The following PRKCI variants were observed in gnomAD, a reference collection of about 807,000 sequenced individuals.
PRKCI encodes the protein protein kinase C iota type.
A neutral mutation model predicts 84.0 loss-of-function variants in PRKCI; 43 were observed. The observed-to-expected ratio is 0.51, with a 90% CI of 0.40 to 0.66. The LOEUF (loss-of-function observed/expected upper bound fraction) is 0.66. Ranked by LOEUF, PRKCI falls within the 30% of genes least tolerant of loss-of-function variation. The pLI, the probability that PRKCI is intolerant of heterozygous loss-of-function variation, is 0.00. For synonymous variants in PRKCI, 216 were observed against 234.4 expected, an observed-to-expected ratio of 0.92 and a Z score of 0.72; for missense variants, 459 against 745.6, an observed-to-expected ratio of 0.62 and a Z score of 4.48.
chr3:170,265,528 T>C (rs762889227), intron 4 of PRKCI, among the ~76,000 whole-genome samples: 10 of 152,230 alleles, frequency 6.6e-5, no homozygotes, highest in Non-Finnish European at 1.3e-4. Flanking sequence ...CTCATTTTCA[T>C]TTGTGGTTTC....
chr3:170,298,558 A>T (rs1013321297), intron 16 of PRKCI, among the ~76,000 whole-genome samples: 8 of 151,920 alleles, frequency 5.3e-5, no homozygotes, highest in African/African-American at 1.5e-4. Flanking sequence ...GGTGTGTGCC[A>T]CCACACCTGG....
chr3:170,293,579 G>T, intron 14 of PRKCI, 71 bp downstream of exon 14: 3 of 1,481,490 alleles, frequency 2.0e-6, no homozygotes, highest in Non-Finnish European at 1.8e-6. Flanking sequence ...AGTGATTCAG[G>T]TTACTACTTT....
intron 3 of PRKCI, among the ~76,000 whole-genome samples, chr3:170,262,832 C>CTTTT (rs748452040): frequency 4.5e-5 from 6 of 133,022 alleles, no homozygotes; most frequent in East Asian, 2.2e-4. Flanking sequence ...TTCTTTCTTT[C>CTTTT]TTTTTTTTTT....
intron 2 of PRKCI, 32 bp downstream of exon 2, chr3:170,235,383 G>A (rs752394117): frequency 1.9e-6 from 3 of 1,607,978 alleles, no homozygotes; most frequent in African/African-American, 1.3e-5. Flanking sequence ...GCCTGTGTAA[G>A]CATTTTAAGA....
chr3:170,281,111 T>C, intron 9 of PRKCI, 55 bp from the exon 10 acceptor site: 1 of 1,444,086 alleles, frequency 6.9e-7, no homozygotes, highest in Non-Finnish European at 9.7e-7. Flanking sequence ...CAGAGCAAAT[T>C]TATCATTAAT....
intron 1 of PRKCI, among the ~76,000 whole-genome samples, chr3:170,231,857 C>A (rs918365651): frequency 6.6e-6 from 1 of 152,098 alleles, no homozygotes; most frequent in African/African-American, 2.4e-5. Context: ...AGAAAAATTT[C>A]TGTCAATTAA....
chr3:170,231,342 T>C (rs79354409), intron 1 of PRKCI, among the ~76,000 whole-genome samples: 2,755 of 152,328 alleles, frequency 0.018, 52 homozygotes, highest in East Asian at 0.1. Flanking sequence ...TCTTTTTGTA[T>C]GTTTAAATTA....
chr3:170,272,446 TG>T (rs1734027073), intron 6 of PRKCI, among the ~76,000 whole-genome samples: 1 of 152,150 alleles, frequency 6.6e-6, no homozygotes, highest in Non-Finnish European at 1.5e-5. Flanking sequence ...AGCTTAGGAA[TG>T]GGTTTGTAGT....
At chr3:170,265,263 A>G (rs1340839394) in intron 4 of PRKCI, among the ~76,000 whole-genome samples, 1 of 152,132 alleles carries the variant, frequency 6.6e-6, no homozygotes, top group Non-Finnish European at 1.5e-5. Flanking sequence ...CTGAGCTACC[A>G]GATTTAACAA....
In PRKCI at chr3:170,303,237, AC is replaced by A; in HGVS notation, c.*111del. On this transcript the variant is annotated 3_prime_UTR_variant, in exon 18 of 18. Transcript: ENST00000295797. ...TTTTATATTTGCCACCTACAAAAAA[AC>A]ACCCAATATCTTCTCTTGTAGACTA... 2.9e-6 allele frequency: 2 copies of A among 684,318 alleles called. No homozygotes were observed. Among genetic ancestry groups the A allele is most frequent in the Non-Finnish European group, 4.8e-6 (2 of 420,030 alleles). 42.4% of individuals were successfully genotyped at this position (684,318 alleles called of 1,614,324 possible).
At chr3:170,223,437 T>A (rs1429354215) in intron 1 of PRKCI, among the ~76,000 whole-genome samples, 1 of 152,232 alleles carries the variant, frequency 6.6e-6, no homozygotes, top group East Asian at 1.9e-4. Context: ...TTTCAACGAC[T>A]ACCCGATAGG....
At chr3:170,253,647 C>T (rs933269022) in intron 2 of PRKCI, among the ~76,000 whole-genome samples, 113 of 151,902 alleles carry the variant, frequency 7.4e-4, no homozygotes, top group Admixed American at 5.8e-3. Context: ...AAAAATTAGC[C>T]GGGCGTGGTG....
At position 170,304,033 on chromosome 3, in the gene PRKCI, T is replaced by A. The variant is rs958916292; in HGVS notation, c.*906T>A. ...CTTCTTGAGTTAAAAAAGACACTTT[T>A]TATTATGAATCAGATTCCAAATCAT... On this transcript the variant is annotated 3_prime_UTR_variant, in exon 18 of 18. Coordinates refer to ENST00000295797, the MANE Select transcript of PRKCI (RefSeq NM_002740.6). 1.3e-5 allele frequency: 2 copies of A among 154,050 alleles called. No individual in the cohort carries two copies. Among genetic ancestry groups the A allele is most frequent in the African/African-American group, 4.8e-5 (2 of 41,494 alleles). The allele number at this position is 154,050 out of a possible 1,614,324, so 9.5% of individuals were successfully genotyped here.
At chr3:170,292,989 C>T (rs1490530263) in intron 13 of PRKCI, among the ~76,000 whole-genome samples, 1 of 148,312 alleles carries the variant, frequency 6.7e-6, no homozygotes, top group African/African-American at 2.5e-5. Context: ...TGCAGTGAGC[C>T]GAGATTGCAC....
In PRKCI at chr3:170,305,222, C is replaced by T. The variant is rs1734926501; in HGVS notation, c.*2095C>T. ...AGATTTTGGAATGTGAAATAATCACCTAGGAAGTTGGTTTAAAATGCACAC... is the reference window on the plus strand; with the variant it reads ...AGATTTTGGAATGTGAAATAATCACTTAGGAAGTTGGTTTAAAATGCACAC... On this transcript the variant is annotated 3_prime_UTR_variant, in exon 18 of 18. Coordinates refer to ENST00000295797, the MANE Select transcript of PRKCI (RefSeq NM_002740.6). 1 of 152,550 alleles carries T rather than the reference C, an allele frequency of 6.6e-6. No homozygotes were observed. The highest frequency in any genetic ancestry group is 2.1e-4 in the South Asian group (1 of 4,834). 9.4% of individuals were successfully genotyped at this position (152,550 alleles called of 1,614,324 possible).
chr3:170,271,317 A>G (rs1400784528), intron 6 of PRKCI, among the ~76,000 whole-genome samples: 1 of 152,166 alleles, frequency 6.6e-6, no homozygotes, highest in Non-Finnish European at 1.5e-5. Context: ...CCATTCACTT[A>G]ACTTCCCCTT....
intron 17 of PRKCI, among the ~76,000 whole-genome samples, chr3:170,299,890 T>C (rs1734782867): frequency 6.6e-6 from 1 of 152,232 alleles, no homozygotes; most frequent in African/African-American, 2.4e-5. Context: ...TCAGAGGGTA[T>C]TAACATTTTA....
chr3:170,235,091 G>A (rs1185392623), intron 1 of PRKCI, 139 bp from the exon 2 acceptor site: 9 of 901,184 alleles, frequency 1.0e-5, no homozygotes, highest in Non-Finnish European at 1.5e-5. Context: ...TTACTTGAAT[G>A]AAATCATTTA....
At chr3:170,268,063 A>G in intron 5 of PRKCI, 63 bp downstream of exon 5, 5 of 1,319,596 alleles carry the variant, frequency 3.8e-6, no homozygotes, top group Non-Finnish European at 5.4e-6. Context: ...TCTACTATGA[A>G]AGAAAGGTAG....
Sources: gnomAD v4.1 joint callset for allele counts (sites outside exome capture counted in the v4.1 genomes callset) on GRCh38, gnomAD v4.1.1 for gene constraint, MANE v1.5 for transcripts, NCBI Gene and HGNC (gene_info 2026-07-23, HGNC 2026-07-21) for gene names.